The following KCNQ4 variants were observed in gnomAD, a reference collection of about 807,000 sequenced individuals.
The protein encoded by KCNQ4 is potassium voltage-gated channel subfamily Q member 4, also known as potassium voltage-gated channel subfamily KQT member 4.
In KCNQ4, 31 loss-of-function variants were observed where a neutral mutation model predicts 72.6. The ratio of observed to expected loss-of-function variants is 0.43; its 90% CI spans 0.32 to 0.58. KCNQ4 has a LOEUF of 0.58. Among genes scored for constraint, KCNQ4 ranks in the 20% least tolerant of loss-of-function variants. The pLI is 0.08. For synonymous variants in KCNQ4, 405 were observed against 403.7 expected, an observed-to-expected ratio of 1.00 and a Z score of -0.04; for missense variants, 869 against 962.6, an observed-to-expected ratio of 0.90 and a Z score of 1.29.
At chr1:40,803,524 C>A (rs567629507) in intron 1 of KCNQ4, among the ~76,000 whole-genome samples, 12 of 152,334 alleles carry the variant, frequency 7.9e-5, no homozygotes, top group African/African-American at 2.9e-4. Flanking sequence ...GCTGGGCAGC[C>A]TTTCTCTTTA....
chr1:40,817,336 A>G lies in KCNQ4; in HGVS notation c.386A>G (p.Asn129Ser), dbSNP rs761034165. The G allele has an allele frequency of 8.1e-6, 13 of 1,613,256 alleles. No homozygotes were observed. Among genetic ancestry groups the G allele is most frequent in the Admixed American group, 5.0e-5 (3 of 59,964 alleles). Residue 129 changes from asparagine (N) to serine (S), a missense_variant, in exon 2 of 14, where the codon AAC (asparagine) becomes AGC (serine). Transcript: ENST00000347132. This position sits in a 1 kb window ranked among gnomAD's most constrained non-coding sequence, Gnocchi z 5.5. ...STIQEHQELA[N>S]ECLLILEFVM... ...ATCCAGGAGCACCAGGAACTTGCCA[A>G]CGAGTGTCTCCTCATCTTGGTAAGT...
rs1449898698 is a variant in KCNQ4 at position 40,788,527 on chromosome 1, G to A, written c.314+4120G>A. On this transcript the variant is annotated intron_variant, in intron 1 of 13. Coordinates refer to ENST00000347132, the MANE Select transcript of KCNQ4 (RefSeq NM_004700.4). The surrounding 1 kb of genome is among the most constrained non-coding windows in gnomAD (Gnocchi z 4.5). ...GTGTCCTTCTGCAGCCTTGTGAGGT[G>A]GGCACTGTTATCCTCCTCATTTGAC... 6.6e-6 allele frequency among the ~76,000 whole-genome samples: 1 copy of A among 152,170 alleles called. No individual in the cohort carries two copies. Among genetic ancestry groups the A allele is most frequent in the Non-Finnish European group, 1.5e-5 (1 of 68,034 alleles).
chr1:40,791,728 C>T (rs923108348), intron 1 of KCNQ4, among the ~76,000 whole-genome samples: 3 of 152,176 alleles, frequency 2.0e-5, no homozygotes, highest in Non-Finnish European at 4.4e-5. Flanking sequence ...GCACATTCTC[C>T]TGAGACTCCT....
intron 12 of KCNQ4, among the ~76,000 whole-genome samples, chr1:40,835,442 A>G (rs975773441): frequency 6.6e-6 from 1 of 152,190 alleles, no homozygotes; most frequent in Non-Finnish European, 1.5e-5. Flanking sequence ...AGAATAGGCA[A>G]ATTGTCCTCA....
intron 1 of KCNQ4, among the ~76,000 whole-genome samples, chr1:40,800,596 G>GAA (rs1647544161): frequency 1.3e-5 from 2 of 152,202 alleles, no homozygotes; most frequent in African/African-American, 4.8e-5. Flanking sequence ...GAACTCTCAG[G>GAA]CTTCACAGGA....
chr1:40,822,939 A>T (rs555645217), intron 8 of KCNQ4, among the ~76,000 whole-genome samples: 1 of 152,158 alleles, frequency 6.6e-6, no homozygotes, highest in Non-Finnish European at 1.5e-5. Flanking sequence ...CTAAGACTGC[A>T]TGGGGGTGGC....
Position 40,818,206 on chromosome 1 carries a change from C to A in KCNQ4, c.448C>A (p.Arg150=). ...GGTTTTCGGCTTGGAGTACATCGTC[C>A]GGGTCTGGTCCGCCGGATGCTGCTG... is the stretch of plus-strand genomic sequence containing the variant. ...IVVFGLEYIV[R]VWSAGCCCRY... The change falls in exon 3 of 14, where the codon CGG becomes AGG. Residue 150 remains arginine, a synonymous_variant. Transcript: ENST00000347132. 1 of 1,613,992 alleles carries A rather than the reference C, an allele frequency of 6.2e-7. No homozygotes were observed. Among genetic ancestry groups the A allele is most frequent in the Non-Finnish European group, 8.5e-7 (1 of 1,180,008 alleles).
At position 40,794,445 on chromosome 1, in the gene KCNQ4, G is replaced by A. The variant is rs1165259810; in HGVS notation, c.314+10038G>A. Among the ~76,000 whole-genome samples the A allele has an allele frequency of 1.3e-5, 2 of 152,164 alleles. No individual in the cohort carries two copies. Among genetic ancestry groups the A allele is most frequent in the African/African-American group, 4.8e-5 (2 of 41,442 alleles). ...TCCCATTTTGCAGACAAGAAACTGGGGCTCAAAGAAGAGAAACACCACATA... is the reference window on the plus strand; with the variant it reads ...TCCCATTTTGCAGACAAGAAACTGGAGCTCAAAGAAGAGAAACACCACATA... On this transcript the variant is annotated intron_variant, in intron 1 of 13. Transcript: ENST00000347132. This position sits in a 1 kb window ranked among gnomAD's most constrained non-coding sequence, Gnocchi z 4.2.
At position 40,822,420 on chromosome 1, in the gene KCNQ4, TG is replaced by T. The variant is rs781032647; in HGVS notation, c.1130+23del. ...TCCTTCAGGTAGGTCCTGCTGGGGG[TG>T]GGGGTGGGTGGGGGGCTGGCAGCAA... On this transcript the variant is annotated intron_variant, in intron 8 of 13. Coordinates refer to ENST00000347132, the MANE Select transcript of KCNQ4 (RefSeq NM_004700.4). 5 of 141,890 alleles carry T rather than the reference TG, an allele frequency of 3.5e-5. No individual in the cohort carries two copies. The highest frequency in any genetic ancestry group is 7.2e-5 in the Non-Finnish European group (5 of 69,242). 8.8% of individuals were successfully genotyped at this position (141,890 alleles called of 1,614,324 possible).
Position 40,819,940 on chromosome 1 carries a change from T to A in KCNQ4, c.900T>A (p.Ala300=). 1.2e-6 allele frequency: 2 copies of A among 1,614,240 alleles called. No homozygotes were observed. The highest frequency in any genetic ancestry group is 1.7e-6 in the Non-Finnish European group (2 of 1,180,028). ...TPHTWLGRVL[A]AGFALLGISF... The stretch of plus-strand genomic sequence containing the variant: ...ACACATGGCTGGGCAGGGTCCTGGC[T>A]GCTGGCTTCGCCTTACTGGGCATCT... The change falls in exon 6 of 14, where the codon GCT becomes GCA. Residue 300 remains alanine (A), a synonymous_variant. Transcript: ENST00000347132.
At chr1:40,835,911 G>C (rs1385820240) in intron 12 of KCNQ4, among the ~76,000 whole-genome samples, 1 of 152,148 alleles carries the variant, frequency 6.6e-6, no homozygotes, top group Non-Finnish European at 1.5e-5. Flanking sequence ...GGCTGCACTG[G>C]AGTGAGAGGT....
At chr1:40,826,605 A>C in intron 9 of KCNQ4, 1 of 447,594 alleles carries the variant, frequency 2.2e-6, no homozygotes, top group South Asian at 1.6e-5. Context: ...TTTCCCGCTA[A>C]CCTCTGTTCG....
rs569603341 is a variant in KCNQ4, at chr1:40,830,983, C to G, written c.1293-101C>G. 141 of 1,001,478 alleles carry G rather than the reference C, an allele frequency of 1.4e-4. No homozygotes were observed. In the East Asian group the frequency reaches 2.3e-3, roughly 16 times the overall value. The allele number at this position is 1,001,478 out of a possible 1,614,324, so 62.0% of individuals were successfully genotyped here. A position where few individuals can be genotyped will look rare whatever the true frequency, so the allele number is the denominator to read the frequency against. On this transcript the variant is annotated intron_variant, in intron 9 of 13. Transcript: ENST00000347132. ...GTCTCCGCTTGGCGGGGAATCCAGA[C>G]CTAATAGCCACCCCCAAGTCCTAAG...
intron 11 of KCNQ4, among the ~76,000 whole-genome samples, chr1:40,834,557 C>A (rs1648752744): frequency 6.6e-6 from 1 of 150,750 alleles, no homozygotes. Flanking sequence ...CCAGCCTGGG[C>A]AGCATAGTGG....
intron 9 of KCNQ4, among the ~76,000 whole-genome samples, chr1:40,827,146 G>A (rs1648502658): frequency 6.6e-6 from 1 of 152,328 alleles, no homozygotes; most frequent in Admixed American, 6.5e-5. Context: ...CCAGCTCCAG[G>A]ACCCCAGCTC....
intron 12 of KCNQ4, among the ~76,000 whole-genome samples, chr1:40,835,336 A>G (rs1648780059): frequency 6.6e-6 from 1 of 152,190 alleles, no homozygotes; most frequent in African/African-American, 2.4e-5. Flanking sequence ...TGCAAGCCCT[A>G]TTGACTCATA....
chr1:40,800,312 T>G (rs1379036066), intron 1 of KCNQ4, among the ~76,000 whole-genome samples: 1 of 152,190 alleles, frequency 6.6e-6, no homozygotes, highest in Non-Finnish European at 1.5e-5. Flanking sequence ...CCTTCCCTGC[T>G]GGATTCCAGC....
At position 40,838,408 on chromosome 1, in the gene KCNQ4, C is replaced by T. The variant is rs374409211; in HGVS notation, c.1973C>T (p.Pro658Leu). The change falls in exon 14 of 14, where the codon CCG (proline) becomes CTG (leucine). Residue 658 changes from proline (P) to leucine (L), a missense_variant. Pro to Leu is a moderately conservative substitution (Grantham distance 98). Around this residue, in one of 5 missense-constraint regions of KCNQ4, gnomAD observed 480 missense variants for 501.9 expected, o/e 0.96. Transcript: ENST00000347132. ...TSASLGAVQV[P>L]LFDPDITSDY... ...GCCAGCCTGGGCGCCGTGCAAGTGC[C>T]GCTGTTCGACCCCGACATCACCTCC... The T allele has an allele frequency of 3.7e-6, 6 of 1,614,134 alleles. No individual in the cohort carries two copies. The highest frequency in any genetic ancestry group is 4.2e-6 in the Non-Finnish European group (5 of 1,179,964).
Position 40,817,212 on chromosome 1 carries a change from G to A in KCNQ4, c.315-53G>A. The A allele has an allele frequency of 6.8e-7, 1 of 1,469,572 alleles. No individual in the cohort carries two copies. Among genetic ancestry groups the A allele is most frequent in the Non-Finnish European group, 9.5e-7 (1 of 1,052,962 alleles). The allele number at this position is 1,469,572 out of a possible 1,614,324, so 91.0% of individuals were successfully genotyped here. ...TGTAACCCCCTGCCAGGGGCACCTT[G>A]GCTGTCCTGTCCCTCCAACAATCTA... On this transcript the variant is annotated intron_variant, in intron 1 of 13. Transcript: ENST00000347132. The surrounding 1 kb of genome is among the most constrained non-coding windows in gnomAD (Gnocchi z 5.5).
Sources: allele counts gnomAD v4.1 joint callset (sites outside exome capture counted in the v4.1 genomes callset), GRCh38; gene constraint gnomAD v4.1.1; regional missense constraint gnomAD v4.1.1; non-coding constraint Gnocchi (gnomAD v3.1); transcripts MANE v1.5; gene names NCBI Gene and HGNC (gene_info 2026-07-23, HGNC 2026-07-21).